RAB7B: variants seen among roughly 807,000 people sequenced by gnomAD.
RAB7B encodes the protein ras-related protein Rab-7b.
intron 1 of RAB7B, among the ~76,000 whole-genome samples, chr1:205,995,043 G>A (rs1406364134): frequency 6.6e-6 from 1 of 152,094 alleles, no homozygotes; most frequent in Non-Finnish European, 1.5e-5. Flanking sequence ...CTCACTCATA[G>A]ATCGTAATTG....
rs1660738035 is a variant in RAB7B at position 205,992,531 on chromosome 1, C to T, written c.345G>A (p.Gln115=). 1 of 398,588 alleles carries T rather than the reference C, an allele frequency of 2.5e-6. No individual in the cohort carries two copies. Among genetic ancestry groups the T allele is most frequent in the African/African-American group, 2.1e-5 (1 of 48,654 alleles). 24.7% of individuals were successfully genotyped at this position (398,588 alleles called of 1,614,324 possible). ...DVLAKIVPME[Q]SYPMVLLGNK... is the part of the protein sequence containing the mutation. ...TCCCCAACAACACCATGGGGTAGGA[C>T]TGCTCCATGGGGACAATCTTGGCCA... Residue 115 remains glutamine (Q), a synonymous_variant, in exon 4 of 6, where the codon CAG becomes CAA. Transcript: ENST00000617070.
At position 205,995,535 on chromosome 1, in the gene RAB7B, TG is replaced by T. The variant is rs1435975824; in HGVS notation, c.-16-1385del. Among the ~76,000 whole-genome samples, 139 of 152,236 alleles carry T rather than the reference TG, an allele frequency of 9.1e-4. 2 individuals are homozygous for T. The highest frequency in any genetic ancestry group is 8.8e-3 in the Admixed American group (135 of 15,286). The stretch of plus-strand genomic sequence containing the variant: ...TGAATGGGTAAAGAAAATCGGTACA[TG>T]TACACAACGGATACTGTTCAGCTTT... On this transcript the variant is annotated intron_variant, in intron 1 of 5. Transcript: ENST00000617070.
chr1:205,988,171 A>ATG (rs2102636613), intron 4 of RAB7B, among the ~76,000 whole-genome samples: 2 of 150,378 alleles, frequency 1.3e-5, no homozygotes, highest in East Asian at 3.9e-4. Context: ...TATTATAAAT[A>ATG]TGTGTGTATA....
chr1:205,995,561 TA>T (rs1188779889), intron 1 of RAB7B, among the ~76,000 whole-genome samples: 2,143 of 151,772 alleles, frequency 0.014, 62 homozygotes, highest in African/African-American at 0.049. Context: ...TGTTCAGCTT[TA>T]AAAAAAAACT....
intron 4 of RAB7B, among the ~76,000 whole-genome samples, chr1:205,990,788 T>TTGC (rs1660708057): frequency 1.0e-4 from 1 of 9,584 alleles, no homozygotes; most frequent in Non-Finnish European, 2.1e-4. Flanking sequence ...TTTTTCTTTC[T>TTGC]TTCTTTTTTT....
chr1:205,992,624 G>A lies in RAB7B; in HGVS notation c.252C>T (p.Cys84=), dbSNP rs992590972. 1.0e-5 allele frequency: 4 copies of A among 398,664 alleles called. No individual in the cohort carries two copies. Among genetic ancestry groups the A allele is most frequent in the African/African-American group, 8.2e-5 (4 of 48,642 alleles). 24.7% of individuals were successfully genotyped at this position (398,664 alleles called of 1,614,324 possible). A position where few individuals can be genotyped will look rare whatever the true frequency, so the allele number is the denominator to read the frequency against. The stretch of plus-strand genomic sequence containing the variant: ...GGTCGGTGACATCAAAAGCTAGGAT[G>A]CAGCCATCGGAGCCCTTGTAGAACG... ...VSTFYKGSDG[C]ILAFDVTDLE... Residue 84 remains cysteine, a synonymous_variant, in exon 4 of 6, where the codon TGC becomes TGT. Coordinates refer to ENST00000617070, the MANE Select transcript of RAB7B (RefSeq NM_001164522.3).
At chr1:205,980,484 C>T (rs1342757397) in intron 5 of RAB7B, among the ~76,000 whole-genome samples, 2 of 152,256 alleles carry the variant, frequency 1.3e-5, no homozygotes, top group East Asian at 3.9e-4. Flanking sequence ...GGCCTCTTGA[C>T]AACTTGTGAA....
intron 4 of RAB7B, among the ~76,000 whole-genome samples, chr1:205,986,008 G>A (rs997151482): frequency 6.6e-5 from 10 of 152,264 alleles, no homozygotes; most frequent in Non-Finnish European, 8.8e-5. Context: ...CAGGCCTGGC[G>A]GAATTACAGC....
intron 2 of RAB7B, 85 bp from the exon 3 acceptor site, chr1:205,993,631 G>T: frequency 2.5e-6 from 1 of 397,166 alleles, no homozygotes; most frequent in Non-Finnish European, 4.4e-6. Flanking sequence ...ATCTTCCCAG[G>T]CCCCTCTTGC....
At chr1:205,999,876 T>TC (rs1660864654) in intron 1 of RAB7B, among the ~76,000 whole-genome samples, 1 of 152,174 alleles carries the variant, frequency 6.6e-6, no homozygotes, top group Non-Finnish European at 1.5e-5. Flanking sequence ...GAAGTGATCC[T>TC]CCCCCCTCAA....
At chr1:206,000,851 T>G in intron 1 of RAB7B, among the ~76,000 whole-genome samples, 1 of 152,192 alleles carries the variant, frequency 6.6e-6, no homozygotes, top group East Asian at 1.9e-4. Flanking sequence ...TCCACATCCA[T>G]GAAAGGTAGA....
rs932125035 is a variant in RAB7B at position 205,988,957 on chromosome 1, A to G, written c.397-3292T>C. On this transcript the variant is annotated intron_variant, in intron 4 of 5. Transcript: ENST00000617070. ...TCCCCTCTTGGGGCTTTATAATCCC[A>G]GGTCTCAGAATTAAAGCCCTTCTGC... Among the ~76,000 whole-genome samples the G allele has an allele frequency of 6.6e-5, 10 of 152,162 alleles. No individual in the cohort carries two copies. In the East Asian group the frequency reaches 1.9e-3, roughly 29 times the overall value.
intron 5 of RAB7B, chr1:205,983,907 G>A (rs1571791434): frequency 3.9e-5 from 6 of 152,234 alleles, no homozygotes; most frequent in Admixed American, 3.9e-4. Context: ...AAGAATAAAG[G>A]ATACTCCTTC....
rs1372538876 is a variant in RAB7B at position 205,989,162 on chromosome 1, A to G, written c.396+3318T>C. On this transcript the variant is annotated intron_variant, in intron 4 of 5. Transcript: ENST00000617070. ...TCCATCCTCTCCTCACCCCTCCTCC[A>G]TCCTCTCCAGGGACCTCCCTGTCTG... Among the ~76,000 whole-genome samples, 3 of 150,262 alleles carry G rather than the reference A, an allele frequency of 2.0e-5. No individual in the cohort carries two copies. The East Asian group carries it at 5.9e-4, about 29-fold the overall frequency.
chr1:205,988,093 G>A (rs1660645556), intron 4 of RAB7B, among the ~76,000 whole-genome samples: 1 of 151,704 alleles, frequency 6.6e-6, no homozygotes. Flanking sequence ...CATTCATATT[G>A]TATTCACATT....
chr1:205,988,789 G>A (rs1281010363), intron 4 of RAB7B, among the ~76,000 whole-genome samples: 1 of 152,162 alleles, frequency 6.6e-6, no homozygotes, highest in Non-Finnish European at 1.5e-5. Context: ...CCACATCTGC[G>A]GGACGGGCTC....
At chr1:205,998,098 G>GT (rs1660834005) in intron 1 of RAB7B, among the ~76,000 whole-genome samples, 1 of 152,188 alleles carries the variant, frequency 6.6e-6, no homozygotes, top group South Asian at 2.1e-4. Flanking sequence ...TCTCAAGCCT[G>GT]TAATCCCAGC....
chr1:205,991,345 C>T (rs1660719545), intron 4 of RAB7B, among the ~76,000 whole-genome samples: 1 of 152,170 alleles, frequency 6.6e-6, no homozygotes. Flanking sequence ...TTATCTGAGG[C>T]TGGATATTTG....
In RAB7B at chr1:205,995,265, T is replaced by A. The variant is rs977634014; in HGVS notation, c.-16-1114A>T. On this transcript the variant is annotated intron_variant, in intron 1 of 5. Transcript: ENST00000617070. ...TAGAACTTAAAGTATAATAATAACT[T>A]AAAAAAAAACAACAGAAGATGGTAA... 5.1e-3 allele frequency among the ~76,000 whole-genome samples: 775 copies of A among 151,284 alleles called. 7 individuals carry two copies. The highest frequency in any genetic ancestry group is 0.017 in the African/African-American group (707 of 41,220).
Sources: allele counts gnomAD v4.1 joint callset (sites outside exome capture counted in the v4.1 genomes callset), GRCh38; gene constraint gnomAD v4.1.1; transcripts MANE v1.5; gene names NCBI Gene and HGNC (gene_info 2026-07-23, HGNC 2026-07-21).